Variants in BNC2 observed in about 807,000 individuals in gnomAD.
BNC2 encodes zinc finger protein basonuclin-2.
A neutral mutation model predicts 76.3 loss-of-function variants in BNC2; 20 were observed. The observed-to-expected ratio is 0.26, with a 90% CI of 0.18 to 0.38. BNC2 has a LOEUF of 0.38. BNC2 is among the 10% of genes least tolerant of loss of function. BNC2 has a pLI of 1.00. For synonymous variants in BNC2, 582 were observed against 514.8 expected (o/e 1.13, Z -1.77); for missense variants, 1,382 against 1,399.8 (o/e 0.99, Z 0.20).
intron 1 of BNC2, among the ~76,000 whole-genome samples, chr9:16,751,284 A>C (rs1337159862): frequency 6.6e-6 from 1 of 150,546 alleles, no homozygotes; most frequent in African/African-American, 2.4e-5. Flanking sequence ...AAAAAACCCT[A>C]GTATATTGTG....
At chr9:16,551,650 A>G (rs531850323) in intron 5 of BNC2, among the ~76,000 whole-genome samples, 1 of 152,328 alleles carries the variant, frequency 6.6e-6, no homozygotes, top group East Asian at 1.9e-4. Flanking sequence ...GTATTTCTTC[A>G]TCATCCAGTG....
intron 3 of BNC2, among the ~76,000 whole-genome samples, chr9:16,607,469 A>C (rs1820418390): frequency 6.6e-6 from 1 of 152,200 alleles, no homozygotes; most frequent in Admixed American, 6.5e-5. Flanking sequence ...GGTTAAACTA[A>C]ACACGTCTAA....
At chr9:16,540,623 C>T (rs1188843087) in intron 5 of BNC2, among the ~76,000 whole-genome samples, 1 of 152,062 alleles carries the variant, frequency 6.6e-6, no homozygotes, top group Non-Finnish European at 1.5e-5. Context: ...GAGTTAATGG[C>T]CTTGCTTAAT....
At chr9:16,716,879 T>C (rs1824010395) in intron 3 of BNC2, among the ~76,000 whole-genome samples, 9 of 152,224 alleles carry the variant, frequency 5.9e-5, no homozygotes, top group Admixed American at 4.6e-4. Context: ...CCAAATTTAC[T>C]TCACAATCGG....
chr9:16,699,161 C>G, intron 3 of BNC2: 1 of 467,954 alleles, frequency 2.1e-6, no homozygotes, highest in Non-Finnish European at 4.4e-6. Context: ...GTTTTAAAAA[C>G]AGAAAGGCTA....
rs533440509 is a variant in BNC2, at chr9:16,855,186, T to A, written c.3+15460A>T. Reference sequence around the variant, plus strand: ...CTCCTCAGCTGGTGAACAAACTGAATGCATCCATGAAAAGGTGATCTTTCT... The same window carrying A: ...CTCCTCAGCTGGTGAACAAACTGAAAGCATCCATGAAAAGGTGATCTTTCT... On this transcript the variant is annotated intron_variant, in intron 1 of 6. Transcript: ENST00000380672. Among the ~76,000 whole-genome samples, 9 of 152,030 alleles carry A rather than the reference T, an allele frequency of 5.9e-5. No homozygotes were observed. The South Asian group carries it at 1.0e-3, about 18-fold the overall frequency.
At chr9:16,474,694 G>A (rs1052402685) in intron 5 of BNC2, among the ~76,000 whole-genome samples, 6 of 151,884 alleles carry the variant, frequency 4.0e-5, no homozygotes, top group Non-Finnish European at 7.4e-5. Flanking sequence ...ATAGAAAAAC[G>A]CAAAGTGTTT....
At chr9:16,652,259 AT>A (rs1260378529) in intron 3 of BNC2, among the ~76,000 whole-genome samples, 8 of 152,050 alleles carry the variant, frequency 5.3e-5, no homozygotes, top group Non-Finnish European at 1.0e-4. Context: ...TTTTATTAGA[AT>A]TTTTTTTCTC....
chr9:16,816,011 A>G (rs1016176795), intron 1 of BNC2, among the ~76,000 whole-genome samples: 1 of 151,962 alleles, frequency 6.6e-6, no homozygotes, highest in African/African-American at 2.4e-5. Flanking sequence ...CAATTTCCCA[A>G]CTGCCTATTT....
intron 3 of BNC2, among the ~76,000 whole-genome samples, chr9:16,723,710 T>C (rs953892377): frequency 3.3e-5 from 5 of 152,078 alleles, no homozygotes; most frequent in African/African-American, 9.7e-5. Flanking sequence ...GTAAGAAAGT[T>C]TGCTTTTACT....
intron 1 of BNC2, among the ~76,000 whole-genome samples, chr9:16,845,553 C>T (rs1301392853): frequency 4.6e-5 from 7 of 151,748 alleles, no homozygotes; most frequent in Non-Finnish European, 1.0e-4. Flanking sequence ...AACCCCATCT[C>T]TACTAAAAAT....
intron 3 of BNC2, among the ~76,000 whole-genome samples, chr9:16,693,455 T>C (rs1163848969): frequency 1.3e-5 from 2 of 152,054 alleles, no homozygotes; most frequent in Non-Finnish European, 2.9e-5. Flanking sequence ...TGTCTGAAAC[T>C]CATTTGCATG....
chr9:16,712,001 T>C (rs1823866136), intron 3 of BNC2, among the ~76,000 whole-genome samples: 1 of 152,218 alleles, frequency 6.6e-6, no homozygotes, highest in Non-Finnish European at 1.5e-5. Flanking sequence ...AATACATGGA[T>C]AAGTGAAAAT....
chr9:16,609,782 C>A (rs1820491463), intron 3 of BNC2, among the ~76,000 whole-genome samples: 2 of 152,142 alleles, frequency 1.3e-5, no homozygotes, highest in African/African-American at 2.4e-5. Flanking sequence ...TTTGACAAAA[C>A]TGTTGCTCTT....
chr9:16,721,970 A>G (rs1191202737), intron 3 of BNC2, among the ~76,000 whole-genome samples: 1 of 152,194 alleles, frequency 6.6e-6, no homozygotes, highest in East Asian at 1.9e-4. Flanking sequence ...GCTATACAGA[A>G]TCATTAGCTA....
intron 4 of BNC2, among the ~76,000 whole-genome samples, chr9:16,575,791 T>C (rs1819467301): frequency 6.6e-6 from 1 of 152,172 alleles, no homozygotes; most frequent in South Asian, 2.1e-4. Flanking sequence ...ACTTTGCTCA[T>C]GGAGAGACCA....
chr9:16,802,436 G>A (rs1435024695), intron 1 of BNC2, among the ~76,000 whole-genome samples: 1 of 152,182 alleles, frequency 6.6e-6, no homozygotes, highest in African/African-American at 2.4e-5. Flanking sequence ...CCATTCACTG[G>A]TGCTACAATA....
chr9:16,820,336 G>A (rs1351648115), intron 1 of BNC2, among the ~76,000 whole-genome samples: 2 of 151,834 alleles, frequency 1.3e-5, no homozygotes, highest in Non-Finnish European at 2.9e-5. Flanking sequence ...TGAGGCAGAA[G>A]AATCTCTTGA....
chr9:16,559,798 C>A (rs1818954690), intron 4 of BNC2, among the ~76,000 whole-genome samples: 1 of 152,254 alleles, frequency 6.6e-6, no homozygotes, highest in South Asian at 2.1e-4. Context: ...TGCATACATT[C>A]ATTTATCCAC....
Sources: allele counts gnomAD v4.1 joint callset (sites outside exome capture counted in the v4.1 genomes callset), GRCh38; gene constraint gnomAD v4.1.1; transcripts MANE v1.5; gene names NCBI Gene and HGNC (gene_info 2026-07-23, HGNC 2026-07-21).